RAB3C: variants seen among roughly 807,000 people sequenced by gnomAD.
RAB3C encodes ras-related protein Rab-3C.
In RAB3C, 17 loss-of-function variants were observed where a neutral mutation model predicts 26.4. The ratio of observed to expected loss-of-function variants is 0.64; its 90% CI spans 0.44 to 0.97. The LOEUF (loss-of-function observed/expected upper bound fraction) is 0.97, where lower values mean the gene tolerates loss of function less well. Among genes scored for constraint, RAB3C ranks in the 50% least tolerant of loss-of-function variants. RAB3C has a pLI of 0.00. For missense variants in RAB3C, 242 were observed against 281.9 expected, an observed-to-expected ratio of 0.86 and a Z score of 1.01; for synonymous variants, 91 against 95.9, an observed-to-expected ratio of 0.95 and a Z score of 0.30.
At chr5:58,842,305 C>G (rs1579949039) in intron 4 of RAB3C, among the ~76,000 whole-genome samples, 2 of 152,308 alleles carry the variant, frequency 1.3e-5, no homozygotes, top group South Asian at 4.1e-4. Context: ...TTTGTTCATC[C>G]TATCTTGGAG....
At position 58,857,890 on chromosome 5, in the gene RAB3C, TA is replaced by T. The variant is rs1286200830; in HGVS notation, c.*6542del. The stretch of plus-strand genomic sequence containing the variant: ...CTAGTTGCTAGATAACGAAAAGCTA[TA>T]AATGTTTATGTATGTGAATTTTAAA... On this transcript the variant is annotated 3_prime_UTR_variant, in exon 5 of 5. Transcript: ENST00000282878. 1 of 152,218 alleles carries T rather than the reference TA, an allele frequency of 6.6e-6. No individual in the cohort carries two copies. Among genetic ancestry groups the T allele is most frequent in the African/African-American group, 2.4e-5 (1 of 41,456 alleles). The allele number at this position is 152,218 out of a possible 1,614,324, so 9.4% of individuals were successfully genotyped here.
intron 1 of RAB3C, among the ~76,000 whole-genome samples, chr5:58,588,449 T>C (rs1746058373): frequency 6.6e-6 from 1 of 152,204 alleles, no homozygotes. Flanking sequence ...TGAATTTTCC[T>C]AATGATGAAC....
chr5:58,687,123 T>G (rs553300218), intron 2 of RAB3C, among the ~76,000 whole-genome samples: 2 of 152,234 alleles, frequency 1.3e-5, no homozygotes, highest in African/African-American at 4.8e-5. Context: ...AGTGGTTAAT[T>G]GGGAGCAGGA....
chr5:58,838,272 C>T (rs890174139), intron 4 of RAB3C, among the ~76,000 whole-genome samples: 28 of 151,278 alleles, frequency 1.9e-4, no homozygotes, highest in Middle Eastern at 3.4e-3. Context: ...CCCAGCTACT[C>T]GGGAGGCTGA....
intron 2 of RAB3C, among the ~76,000 whole-genome samples, chr5:58,649,423 C>T (rs12054892): frequency 0.27 from 40,351 of 151,678 alleles, 6,065 homozygotes; most frequent in African/African-American, 0.41. Context: ...CAGATCTCTT[C>T]CTTTGGACCT....
chr5:58,643,501 T>G (rs960362063), intron 2 of RAB3C, among the ~76,000 whole-genome samples: 3 of 152,182 alleles, frequency 2.0e-5, no homozygotes, highest in Non-Finnish European at 4.4e-5. Context: ...TTCTTCTATT[T>G]AATTATGTTT....
At chr5:58,620,151 C>T (rs1746905777) in intron 2 of RAB3C, among the ~76,000 whole-genome samples, 1 of 152,132 alleles carries the variant, frequency 6.6e-6, no homozygotes, top group Non-Finnish European at 1.5e-5. Flanking sequence ...CATTCTCCTG[C>T]TCTGTGGATG....
intron 3 of RAB3C, among the ~76,000 whole-genome samples, chr5:58,817,426 G>GCCTACCC (rs1192919571): frequency 6.6e-6 from 1 of 151,886 alleles, no homozygotes; most frequent in Non-Finnish European, 1.5e-5. Flanking sequence ...CATATAAAAG[G>GCCTACCC]CCTACCCCCT....
chr5:58,837,114 A>G (rs763496371), intron 4 of RAB3C, among the ~76,000 whole-genome samples: 8 of 152,166 alleles, frequency 5.3e-5, no homozygotes, highest in Non-Finnish European at 1.2e-4. Flanking sequence ...TGTGGTTTTG[A>G]TTCACATTTC....
At chr5:58,642,188 A>T (rs1040181828) in intron 2 of RAB3C, among the ~76,000 whole-genome samples, 1 of 152,154 alleles carries the variant, frequency 6.6e-6, no homozygotes, top group African/African-American at 2.4e-5. Flanking sequence ...ACTGTTTTGA[A>T]CCATTACTGA....
chr5:58,799,397 G>C (rs1172678463), intron 3 of RAB3C, among the ~76,000 whole-genome samples: 1 of 151,794 alleles, frequency 6.6e-6, no homozygotes, highest in Non-Finnish European at 1.5e-5. Context: ...TAGTATTATT[G>C]GTCCTACTTT....
chr5:58,775,627 T>G (rs949921376), intron 3 of RAB3C, among the ~76,000 whole-genome samples: 9 of 152,116 alleles, frequency 5.9e-5, no homozygotes, highest in Non-Finnish European at 8.8e-5. Context: ...GGCTTTGGAA[T>G]TTTTCAAAAG....
At chr5:58,768,346 C>A (rs1579908512) in intron 3 of RAB3C, among the ~76,000 whole-genome samples, 1 of 152,016 alleles carries the variant, frequency 6.6e-6, no homozygotes, top group Non-Finnish European at 1.5e-5. Flanking sequence ...TTATAAATTT[C>A]TTTGCCATAT....
chr5:58,745,832 G>C (rs571803913), intron 3 of RAB3C, among the ~76,000 whole-genome samples: 15 of 152,158 alleles, frequency 9.9e-5, no homozygotes, highest in African/African-American at 3.4e-4. Context: ...GTTCTTGATA[G>C]TTGAATATGA....
intron 1 of RAB3C, among the ~76,000 whole-genome samples, chr5:58,594,114 A>G (rs1460564361): frequency 6.6e-6 from 1 of 152,162 alleles, no homozygotes; most frequent in Non-Finnish European, 1.5e-5. Context: ...CTCATCAAAG[A>G]TCAATGGGCG....
intron 2 of RAB3C, among the ~76,000 whole-genome samples, chr5:58,623,828 G>T (rs1579822899): frequency 1.3e-5 from 2 of 152,144 alleles, no homozygotes; most frequent in African/African-American, 4.8e-5. Context: ...CTAGTGGCTT[G>T]AGCAGGGACT....
intron 1 of RAB3C, among the ~76,000 whole-genome samples, chr5:58,612,940 G>A (rs1387695974): frequency 6.6e-6 from 1 of 152,026 alleles, no homozygotes; most frequent in African/African-American, 2.4e-5. Flanking sequence ...TGCCCATTCA[G>A]TATGAAACGT....
chr5:58,776,390 T>G (rs1050255144), intron 3 of RAB3C, among the ~76,000 whole-genome samples: 2 of 152,144 alleles, frequency 1.3e-5, no homozygotes, highest in African/African-American at 4.8e-5. Context: ...TGTTCTCATC[T>G]GAGCCTATGC....
At chr5:58,653,126 C>T (rs1747693757) in intron 2 of RAB3C, among the ~76,000 whole-genome samples, 1 of 151,910 alleles carries the variant, frequency 6.6e-6, no homozygotes, top group South Asian at 2.1e-4. Flanking sequence ...CCTCCCCTTG[C>T]CCCCCACCCT....
Sources: allele counts gnomAD v4.1 joint callset (sites outside exome capture counted in the v4.1 genomes callset), GRCh38; gene constraint gnomAD v4.1.1; transcripts MANE v1.5; gene names NCBI Gene and HGNC (gene_info 2026-07-23, HGNC 2026-07-21).